Variants in MTUS1 observed in about 807,000 individuals in gnomAD.
The protein encoded by MTUS1 is microtubule-associated tumor suppressor 1.
MTUS1 carries 109 observed loss-of-function variants against 120.8 expected under a neutral mutation model. That is an observed-to-expected ratio of 0.90 (90% CI 0.77 to 1.06). The LOEUF (loss-of-function observed/expected upper bound fraction) is 1.06. MTUS1 is among the 50% of genes least tolerant of loss of function. The pLI, the probability that MTUS1 is intolerant of heterozygous loss-of-function variation, is 0.00. For missense variants in MTUS1, 2,210 were observed against 1,486.3 expected, an observed-to-expected ratio of 1.49 and a Z score of -8.01; for synonymous variants, 737 against 550.5, an observed-to-expected ratio of 1.34 and a Z score of -4.74.
chr8:17,742,647 A>G (rs941450355), intron 3 of MTUS1, among the ~76,000 whole-genome samples: 14 of 152,106 alleles, frequency 9.2e-5, no homozygotes, highest in African/African-American at 1.7e-4. Flanking sequence ...TGACCTTGAC[A>G]CTAGGCCTGA....
intron 3 of MTUS1, among the ~76,000 whole-genome samples, chr8:17,735,308 C>T (rs571694940): frequency 9.9e-5 from 15 of 152,252 alleles, no homozygotes; most frequent in African/African-American, 3.6e-4. Flanking sequence ...CCTCTGAAGG[C>T]GGCGGTTGGG....
rs575748863 is a variant in MTUS1, at chr8:17,716,141, G to C, written c.2450-240C>G. ...TTAGCCTGGCACAGTCCAAGCTTAT[G>C]CATCTTGTCCAGTTCAGCTTTCATC... On this transcript the variant is annotated intron_variant, in intron 4 of 14. Coordinates refer to ENST00000693296, the MANE Select transcript of MTUS1 (RefSeq NM_001363059.2). 2.0e-5 allele frequency among the ~76,000 whole-genome samples: 3 copies of C among 152,298 alleles called. No homozygotes were observed. The South Asian group carries it at 6.2e-4, about 32-fold the overall frequency.
At chr8:17,663,892 GGCCT>G (rs1810330511) in intron 8 of MTUS1, 2 of 152,216 alleles carry the variant, frequency 1.3e-5, no homozygotes, top group Non-Finnish European at 2.9e-5. Context: ...CACCGCACCT[GGCCT>G]AAGCCTACAT....
intron 1 of MTUS1, among the ~76,000 whole-genome samples, chr8:17,796,395 T>C (rs2052241074): frequency 7.0e-5 from 1 of 14,358 alleles, no homozygotes; most frequent in Non-Finnish European, 1.6e-4. Flanking sequence ...AAGATTTATA[T>C]GCAAATACGT....
At position 17,754,731 on chromosome 8, in the gene MTUS1, C is replaced by G. The variant is rs1470094309; in HGVS notation, c.1077G>C (p.Lys359Asn). ...ECPLMVPAFDKSEAQVLNPEH... is the reference protein window; with the variant it reads ...ECPLMVPAFDNSEAQVLNPEH... ...CTGGGTTCAGCACTTGAGCTTCGCTCTTATCAAAAGCTGGCACCATTAAAG... is the reference window on the plus strand; with the variant it reads ...CTGGGTTCAGCACTTGAGCTTCGCTGTTATCAAAAGCTGGCACCATTAAAG... Residue 359 changes from lysine to asparagine, a missense_variant, in exon 2 of 15, where the codon AAG becomes AAC. Coordinates refer to ENST00000693296, the MANE Select transcript of MTUS1 (RefSeq NM_001363059.2). 6 of 1,614,094 alleles carry G rather than the reference C, an allele frequency of 3.7e-6. No homozygotes were observed. Among genetic ancestry groups the G allele is most frequent in the Non-Finnish European group, 5.1e-6 (6 of 1,180,048 alleles).
intron 1 of MTUS1, chr8:17,780,908 G>A (rs578132233): frequency 2.0e-5 from 3 of 152,248 alleles, no homozygotes; most frequent in South Asian, 2.1e-4. Flanking sequence ...AGGCATCATC[G>A]AAGGTAAGGG....
chr8:17,714,369 G>C (rs1218971038), intron 5 of MTUS1, among the ~76,000 whole-genome samples: 1 of 152,150 alleles, frequency 6.6e-6, no homozygotes, highest in Non-Finnish European at 1.5e-5. Flanking sequence ...CTGTGACAGA[G>C]TAACACCTCT....
At chr8:17,716,260 G>C (rs536014095) in intron 4 of MTUS1, among the ~76,000 whole-genome samples, 1 of 152,228 alleles carries the variant, frequency 6.6e-6, no homozygotes, top group South Asian at 2.1e-4. Context: ...CATCTCCATG[G>C]GGACAAGGAA....
At chr8:17,781,413 G>C (rs1018087367) in intron 1 of MTUS1, among the ~76,000 whole-genome samples, 1 of 152,122 alleles carries the variant, frequency 6.6e-6, no homozygotes, top group Admixed American at 6.5e-5. Flanking sequence ...CCTGTTGTCT[G>C]CAAGTTTTGA....
chr8:17,707,141 G>A (rs984113357), intron 6 of MTUS1, among the ~76,000 whole-genome samples: 2 of 152,146 alleles, frequency 1.3e-5, no homozygotes, highest in African/African-American at 4.8e-5. Flanking sequence ...GCTAAAATAT[G>A]ACTCATTTCC....
At chr8:17,791,315 T>G (rs949549721) in intron 1 of MTUS1, among the ~76,000 whole-genome samples, 1 of 152,360 alleles carries the variant, frequency 6.6e-6, no homozygotes, top group Non-Finnish European at 1.5e-5. Context: ...TATTTCACTA[T>G]GCTTAAAAGA....
chr8:17,778,269 C>T (rs1414964722), intron 1 of MTUS1, among the ~76,000 whole-genome samples: 1 of 152,124 alleles, frequency 6.6e-6, no homozygotes, highest in African/African-American at 2.4e-5. Flanking sequence ...AGACGTCACA[C>T]ACAAAAGTCT....
chr8:17,698,961 A>G (rs1818499805), intron 6 of MTUS1, among the ~76,000 whole-genome samples: 1 of 152,178 alleles, frequency 6.6e-6, no homozygotes, highest in South Asian at 2.1e-4. Flanking sequence ...GTTTATTATT[A>G]AAAAACCTGA....
chr8:17,648,515 CAG>C (rs1270488717), intron 13 of MTUS1, among the ~76,000 whole-genome samples: 2 of 152,162 alleles, frequency 1.3e-5, no homozygotes, highest in East Asian at 3.8e-4. Context: ...TAGAAGATAC[CAG>C]ACTCAGTCGA....
Position 17,754,439 on chromosome 8 carries a change from C to G in MTUS1, c.1369G>C (p.Gly457Arg), listed in dbSNP as rs773950846. ...ATEKCKKVEKGNRGLKNIPDS... is the reference protein window; with the variant it reads ...ATEKCKKVEKRNRGLKNIPDS... ...GGTATGTTTTTAAGCCCTCGATTACCCTTCTCCACTTTCTTACATTTCTCC... is the reference window on the plus strand; with the variant it reads ...GGTATGTTTTTAAGCCCTCGATTACGCTTCTCCACTTTCTTACATTTCTCC... Residue 457 changes from glycine to arginine, a missense_variant, in exon 2 of 15, where the codon GGT (glycine) becomes CGT (arginine). Gly to Arg is a moderately radical substitution (Grantham distance 125, BLOSUM62 -2). Transcript: ENST00000693296. The G allele has an allele frequency of 4.5e-5, 73 of 1,614,132 alleles. No individual in the cohort carries two copies. The highest frequency in any genetic ancestry group is 1.0e-5 in the Non-Finnish European group (12 of 1,180,030).
chr8:17,706,721 A>T (rs986136223), intron 6 of MTUS1, among the ~76,000 whole-genome samples: 15 of 152,230 alleles, frequency 9.9e-5, no homozygotes, highest in African/African-American at 9.6e-5. Context: ...GAAAGTGCTA[A>T]TTGTATAGAT....
intron 1 of MTUS1, chr8:17,758,165 C>G (rs1331128838): frequency 6.6e-6 from 1 of 152,182 alleles, no homozygotes; most frequent in South Asian, 2.1e-4. Flanking sequence ...TCTCATTTTT[C>G]TATCTTGCAG....
intron 3 of MTUS1, among the ~76,000 whole-genome samples, chr8:17,741,315 A>G (rs1252172219): frequency 1.3e-5 from 2 of 152,186 alleles, no homozygotes; most frequent in African/African-American, 2.4e-5. Context: ...GCTTCAACAT[A>G]TTAATGTAGA....
rs768210060 is a variant in MTUS1 at position 17,749,659 on chromosome 8, C to CAA, written c.2091+4056_2091+4057dup. Among the ~76,000 whole-genome samples, 21 of 76,384 alleles carry CAA rather than the reference C, an allele frequency of 2.7e-4. 1 individual carries two copies. Among genetic ancestry groups the CAA allele is most frequent in the South Asian group, 1.4e-3 (3 of 2,110 alleles). 50.1% of individuals were successfully genotyped at this position (76,384 alleles called of 152,430 possible). A position where few individuals can be genotyped will look rare whatever the true frequency, so the allele number is the denominator to read the frequency against. On this transcript the variant is annotated intron_variant, in intron 2 of 14. Transcript: ENST00000693296. ...AGCCTGGGCAACAGAGAATCTGTCT[C>CAA]AAAAAAAAAAAAAAAAAAAGAAAGA...
Sources: allele counts gnomAD v4.1 joint callset (sites outside exome capture counted in the v4.1 genomes callset), GRCh38; gene constraint gnomAD v4.1.1; transcripts MANE v1.5; gene names NCBI Gene and HGNC (gene_info 2026-07-23, HGNC 2026-07-21).